The following KCNAB1 variants were observed in gnomAD, a reference collection of about 807,000 sequenced individuals.
KCNAB1 encodes the protein voltage-gated potassium channel subunit beta-1.
A neutral mutation model predicts 64.6 loss-of-function variants in KCNAB1; 35 were observed. The observed-to-expected ratio is 0.54, with a 90% CI of 0.41 to 0.72. KCNAB1 has a LOEUF of 0.72. Among genes scored for constraint, KCNAB1 ranks in the 30% least tolerant of loss-of-function variants. The pLI, the probability that KCNAB1 is intolerant of heterozygous loss-of-function variation, is 0.00. For missense variants in KCNAB1, 401 were observed against 512.9 expected (o/e 0.78, Z 2.11); for synonymous variants, 177 against 183.8 (o/e 0.96, Z 0.30).
chr3:156,515,061 C>T, intron 9 of KCNAB1, 39 bp from the exon 10 acceptor site: 1 of 1,550,668 alleles, frequency 6.4e-7, no homozygotes. Context: ...CCTTATTTCT[C>T]ATCAGTATAA....
chr3:156,188,856 G>A (rs987607379), intron 1 of KCNAB1, among the ~76,000 whole-genome samples: 6 of 152,164 alleles, frequency 3.9e-5, no homozygotes, highest in Non-Finnish European at 7.4e-5. Flanking sequence ...TGTTTTCTGA[G>A]TAATTTGGGA....
intron 5 of KCNAB1, among the ~76,000 whole-genome samples, chr3:156,462,288 A>T (rs929473527): frequency 1.9e-4 from 29 of 152,240 alleles, no homozygotes; most frequent in African/African-American, 6.5e-4. Context: ...CCTAACTTTG[A>T]AAAACTAAGT....
intron 1 of KCNAB1, among the ~76,000 whole-genome samples, chr3:156,251,961 C>A (rs927536108): frequency 5.3e-5 from 8 of 152,216 alleles, no homozygotes; most frequent in African/African-American, 1.9e-4. Flanking sequence ...GAGAAAGAAA[C>A]TGTTACTTCC....
intron 1 of KCNAB1, among the ~76,000 whole-genome samples, chr3:156,409,507 A>G (rs935067772): frequency 1.3e-5 from 2 of 152,186 alleles, no homozygotes; most frequent in Non-Finnish European, 2.9e-5. Context: ...TTAAGGCCCT[A>G]ATGAATATAT....
chr3:156,158,186 ATAAAT>A lies in KCNAB1; in HGVS notation c.275+37301_275+37305del, dbSNP rs1487873667. 1.9e-3 allele frequency among the ~76,000 whole-genome samples: 171 copies of A among 89,016 alleles called. 7 individuals are homozygous for A. The highest frequency in any genetic ancestry group is 0.015 in the East Asian group (29 of 1,874). 58.4% of individuals were successfully genotyped at this position (89,016 alleles called of 152,430 possible). A position where few individuals can be genotyped will look rare whatever the true frequency, so the allele number is the denominator to read the frequency against. ...TCTCAAAAAAAAAAATAAAAAATAA[ATAAAT>A]AAATAAATAAATAAATAAATAAATA... On this transcript the variant is annotated intron_variant, in intron 1 of 13. Coordinates refer to ENST00000490337, the MANE Select transcript of KCNAB1 (RefSeq NM_172160.3).
intron 1 of KCNAB1, among the ~76,000 whole-genome samples, chr3:156,403,767 G>GT (rs1240873610): frequency 6.6e-6 from 1 of 152,036 alleles, no homozygotes; most frequent in Admixed American, 6.6e-5. Context: ...AGTGGTGCAC[G>GT]TCTGTAATCC....
chr3:156,264,088 A>C (rs1259043619), intron 1 of KCNAB1, among the ~76,000 whole-genome samples: 5 of 152,136 alleles, frequency 3.3e-5, no homozygotes, highest in African/African-American at 1.2e-4. Flanking sequence ...TGCTCTGTCT[A>C]TAAGTCCATA....
At chr3:156,489,504 CAA>C (rs911616802) in intron 8 of KCNAB1, among the ~76,000 whole-genome samples, 14 of 152,104 alleles carry the variant, frequency 9.2e-5, no homozygotes, top group African/African-American at 3.1e-4. Context: ...ACAACATTGA[CAA>C]GAGAGTTCTG....
chr3:156,173,690 G>A (rs777334418), intron 1 of KCNAB1, among the ~76,000 whole-genome samples: 4 of 147,004 alleles, frequency 2.7e-5, no homozygotes, highest in East Asian at 3.9e-4. Flanking sequence ...AATTGTATGC[G>A]ATGGTTAATT....
chr3:156,303,151 A>G (rs1241946597), intron 1 of KCNAB1, among the ~76,000 whole-genome samples: 1 of 152,226 alleles, frequency 6.6e-6, no homozygotes, highest in African/African-American at 2.4e-5. Context: ...TCACATGCCA[A>G]TAGAAAAGCC....
rs543895310 is a variant in KCNAB1 at position 156,523,445 on chromosome 3, T to C, written c.961-382T>C. ...CTTTCTTAATAAAAAGGAGACATAA[T>C]AGATCTTGGTAAGTTGTAAATGTAC... On this transcript the variant is annotated intron_variant, in intron 11 of 13. Coordinates refer to ENST00000490337, the MANE Select transcript of KCNAB1 (RefSeq NM_172160.3). 6.6e-5 allele frequency among the ~76,000 whole-genome samples: 10 copies of C among 152,224 alleles called. No homozygotes were observed. In the East Asian group the frequency reaches 1.5e-3, roughly 24 times the overall value.
intron 1 of KCNAB1, among the ~76,000 whole-genome samples, chr3:156,401,869 CT>C (rs60709682): frequency 0.13 from 18,390 of 145,288 alleles, 2,707 homozygotes; most frequent in African/African-American, 0.36. Flanking sequence ...AGATTTCCAA[CT>C]TTTTTTTTTT....
chr3:156,249,452 A>T (rs1717681545), intron 1 of KCNAB1, among the ~76,000 whole-genome samples: 3 of 151,986 alleles, frequency 2.0e-5, no homozygotes, highest in African/African-American at 7.2e-5. Flanking sequence ...CGTGCCTGTA[A>T]CCCTAGATAC....
chr3:156,348,226 G>A (rs1452274350), intron 1 of KCNAB1, among the ~76,000 whole-genome samples: 3 of 152,170 alleles, frequency 2.0e-5, no homozygotes, highest in Non-Finnish European at 4.4e-5. Context: ...GGAGGGGATA[G>A]TAAAGAGTGA....
rs570803295 is a variant in KCNAB1, at chr3:156,520,481, G to A, written c.961-3346G>A. ...TAGTCCCAAATACTCAGGAGGCTGA[G>A]GTGGGAGGATCACCTGAGCCTGGGA... On this transcript the variant is annotated intron_variant, in intron 11 of 13. Coordinates refer to ENST00000490337, the MANE Select transcript of KCNAB1 (RefSeq NM_172160.3). 5.9e-5 allele frequency among the ~76,000 whole-genome samples: 9 copies of A among 152,338 alleles called. No homozygotes were observed. In the South Asian group the frequency reaches 1.9e-3, roughly 32 times the overall value.
chr3:156,355,184 A>G (rs550491283), intron 1 of KCNAB1, among the ~76,000 whole-genome samples: 1 of 152,368 alleles, frequency 6.6e-6, no homozygotes, highest in African/African-American at 2.4e-5. Context: ...TTTAAAGTAT[A>G]TTCACATGTA....
At chr3:156,217,063 C>G (rs1450841640) in intron 1 of KCNAB1, 3 of 152,154 alleles carry the variant, frequency 2.0e-5, no homozygotes, top group South Asian at 4.1e-4. Flanking sequence ...ATTAGAGTGT[C>G]AAGGCCAGGT....
chr3:156,296,845 T>G (rs1248037809), intron 1 of KCNAB1, among the ~76,000 whole-genome samples: 1 of 152,154 alleles, frequency 6.6e-6, no homozygotes, highest in Non-Finnish European at 1.5e-5. Context: ...TACAGAAGTT[T>G]GCAAAGAAAA....
chr3:156,255,768 T>C (rs1258802402), intron 1 of KCNAB1, among the ~76,000 whole-genome samples: 1 of 152,200 alleles, frequency 6.6e-6, no homozygotes, highest in Non-Finnish European at 1.5e-5. Context: ...TCTGGTTTCC[T>C]CTCACTCAGA....
Sources: allele counts gnomAD v4.1 joint callset (sites outside exome capture counted in the v4.1 genomes callset), GRCh38; gene constraint gnomAD v4.1.1; transcripts MANE v1.5; gene names NCBI Gene and HGNC (gene_info 2026-07-23, HGNC 2026-07-21).